PLCH1: variants seen among roughly 807,000 people sequenced by gnomAD.
PLCH1 encodes phospholipase C eta 1.
Under a neutral mutation model 126.7 loss-of-function variants are expected in PLCH1, and 60 were observed. The ratio of observed to expected loss-of-function variants is 0.47; its 90% confidence interval spans 0.38 to 0.59. The LOEUF (loss-of-function observed/expected upper bound fraction) is 0.59. Ranked by LOEUF, PLCH1 falls within the 20% of genes least tolerant of loss-of-function variation. The pLI is 0.00. For synonymous variants in PLCH1, 719 were observed against 734.9 expected (o/e 0.98, Z 0.35); for missense variants, 1,723 against 2,040.0 (o/e 0.84, Z 2.99).
At chr3:155,618,015 T>G in intron 2 of PLCH1, among the ~76,000 whole-genome samples, 1 of 152,162 alleles carries the variant, frequency 6.6e-6, no homozygotes, top group East Asian at 1.9e-4. Context: ...ATGGAAAAAG[T>G]TCTAAGAATG....
At chr3:155,484,172 C>T (rs1714636557) in intron 22 of PLCH1, among the ~76,000 whole-genome samples, 1 of 152,098 alleles carries the variant, frequency 6.6e-6, no homozygotes, top group East Asian at 1.9e-4. Flanking sequence ...ATTTATATAA[C>T]TGTTTTTTAA....
intron 2 of PLCH1, among the ~76,000 whole-genome samples, chr3:155,652,861 T>C (rs565518595): frequency 6.6e-6 from 1 of 152,284 alleles, no homozygotes; most frequent in African/African-American, 2.4e-5. Flanking sequence ...GAACTTGAAA[T>C]TGGCTGATAC....
At position 155,583,589 on chromosome 3, in the gene PLCH1, AAC is replaced by A; in HGVS notation, c.652_653del (p.Val218PhefsTer20). On this transcript the variant is annotated frameshift_variant, in exon 6 of 23. Transcript: ENST00000460012. LOFTEE classifies it high-confidence loss of function. ...GTCTCAAAGACATCATTTTGTAAAA[AAC>A]ACAGAACTCTTCAAATGTCAAAGTT... ...QGTLTFEEFC[V>X]FYKMMSLRRD... The A allele has an allele frequency of 6.2e-7, 1 of 1,602,108 alleles. No homozygotes were observed. The highest frequency in any genetic ancestry group is 8.5e-7 in the Non-Finnish European group (1 of 1,176,862).
intron 12 of PLCH1, among the ~76,000 whole-genome samples, chr3:155,512,272 G>A (rs987663513): frequency 4.6e-5 from 7 of 152,098 alleles, no homozygotes; most frequent in African/African-American, 1.7e-4. Flanking sequence ...ACCTCTCCCT[G>A]AGCACCGGCA....
intron 11 of PLCH1, among the ~76,000 whole-genome samples, chr3:155,515,893 A>G (rs1720241548): frequency 6.6e-6 from 1 of 152,160 alleles, no homozygotes; most frequent in Non-Finnish European, 1.5e-5. Flanking sequence ...TTGCAAATCT[A>G]TTTCTAAGAG....
At chr3:155,743,511 G>T (rs1413356016) in intron 1 of PLCH1, 1 of 442,364 alleles carries the variant, frequency 2.3e-6, no homozygotes, top group Non-Finnish European at 4.5e-6. Flanking sequence ...CAGCCTGGGC[G>T]ACAGAGCCAG....
At chr3:155,741,073 A>G (rs1749587107) in intron 1 of PLCH1, among the ~76,000 whole-genome samples, 1 of 152,182 alleles carries the variant, frequency 6.6e-6, no homozygotes, top group Non-Finnish European at 1.5e-5. Context: ...AGAGATCTTG[A>G]TGATAATAAA....
intron 2 of PLCH1, among the ~76,000 whole-genome samples, chr3:155,689,287 G>A (rs1745196322): frequency 6.6e-6 from 1 of 152,054 alleles, no homozygotes; most frequent in Non-Finnish European, 1.5e-5. Context: ...TTTAATACCT[G>A]AAAGTCTTTC....
intron 10 of PLCH1, among the ~76,000 whole-genome samples, chr3:155,537,201 C>CAAAAAAAAAAAA (rs1560128167): frequency 1.5e-5 from 2 of 132,108 alleles, no homozygotes; most frequent in African/African-American, 3.0e-5. Context: ...AAAAAAAAAA[C>CAAAAAAAAAAAA]CAAAAAAAAA....
At chr3:155,693,756 C>A (rs394440) in intron 2 of PLCH1, among the ~76,000 whole-genome samples, 10 of 151,814 alleles carry the variant, frequency 6.6e-5, no homozygotes, top group Non-Finnish European at 1.3e-4. Context: ...ATGGTGAAAC[C>A]CCGTCTCAAC....
intron 2 of PLCH1, among the ~76,000 whole-genome samples, chr3:155,659,665 A>G (rs868245317): frequency 6.6e-6 from 1 of 151,082 alleles, no homozygotes; most frequent in Non-Finnish European, 1.5e-5. Context: ...TGCCCAGCTA[A>G]TTTTTGTATT....
At chr3:155,597,385 C>G (rs187460299) in intron 2 of PLCH1, among the ~76,000 whole-genome samples, 17 of 152,296 alleles carry the variant, frequency 1.1e-4, no homozygotes, top group Admixed American at 7.2e-4. Context: ...GACAAATGAT[C>G]CCATTTTCCC....
At position 155,514,879 on chromosome 3, in the gene PLCH1, A is replaced by T. The variant is rs1158733277; in HGVS notation, c.1476T>A (p.Asn492Lys). Residue 492 changes from asparagine (N) to lysine (K), a missense_variant, in exon 12 of 23, where the codon AAT becomes AAA. Transcript: ENST00000460012. Reference protein sequence around the residue: ...DECKFKLHYSNGTTEHQVESF... With the variant: ...DECKFKLHYSKGTTEHQVESF... ...ATTCCACCTGATGCTCAGTGGTCCC[A>T]TTACTCTGCAAAGAATTAAGTAACA... 1 of 1,595,966 alleles carries T rather than the reference A, an allele frequency of 6.3e-7. No individual in the cohort carries two copies. The highest frequency in any genetic ancestry group is 1.1e-5 in the South Asian group (1 of 89,158).
intron 2 of PLCH1, among the ~76,000 whole-genome samples, chr3:155,695,869 G>A (rs1745752231): frequency 6.6e-6 from 1 of 152,344 alleles, no homozygotes; most frequent in Non-Finnish European, 1.5e-5. Flanking sequence ...AGTTTTGTGG[G>A]CAAGGAATGC....
At chr3:155,591,508 T>G (rs1732167821) in intron 4 of PLCH1, among the ~76,000 whole-genome samples, 1 of 152,194 alleles carries the variant, frequency 6.6e-6, no homozygotes. Context: ...AGAGAACCCA[T>G]GTGTTCTATT....
In PLCH1 at chr3:155,731,457, C is replaced by A. The variant is rs570626917; in HGVS notation, c.-41+13383G>T. On this transcript the variant is annotated intron_variant, in intron 1 of 22. Coordinates refer to ENST00000460012, the MANE Select transcript of PLCH1 (RefSeq NM_014996.4). ...AGTGGATCCAAGCTCCTGGCTCAAC[C>A]CTGAAGATTCAGATGCAACGTCTGC... Among the ~76,000 whole-genome samples the A allele has an allele frequency of 7.9e-4, 120 of 152,286 alleles. 1 individual carries two copies. The highest frequency in any genetic ancestry group is 1.4e-3 in the Non-Finnish European group (92 of 68,030).
At chr3:155,587,651 T>C (rs530563108) in intron 4 of PLCH1, among the ~76,000 whole-genome samples, 1 of 152,320 alleles carries the variant, frequency 6.6e-6, no homozygotes, top group South Asian at 2.1e-4. Flanking sequence ...TGAGATTAAG[T>C]GACTGAGAAT....
intron 11 of PLCH1, among the ~76,000 whole-genome samples, chr3:155,515,985 T>C (rs1720253239): frequency 6.6e-6 from 1 of 152,212 alleles, no homozygotes; most frequent in African/African-American, 2.4e-5. Flanking sequence ...AGCAAAGCAA[T>C]TATAAATGCC....
At chr3:155,671,578 A>G (rs999131949) in intron 2 of PLCH1, among the ~76,000 whole-genome samples, 1 of 152,174 alleles carries the variant, frequency 6.6e-6, no homozygotes, top group African/African-American at 2.4e-5. Flanking sequence ...TAATTATACT[A>G]AGAGAAGTTA....
Sources: allele counts gnomAD v4.1 joint callset (sites outside exome capture counted in the v4.1 genomes callset), GRCh38; gene constraint gnomAD v4.1.1; transcripts MANE v1.5; gene names NCBI Gene and HGNC (gene_info 2026-07-23, HGNC 2026-07-21).